PPP6R2: variants seen among roughly 807,000 people sequenced by gnomAD.
PPP6R2 encodes the protein serine/threonine-protein phosphatase 6 regulatory subunit 2.
A neutral mutation model predicts 100.2 loss-of-function variants in PPP6R2; 62 were observed. The observed-to-expected ratio is 0.62, with a 90% CI of 0.50 to 0.76. The LOEUF (loss-of-function observed/expected upper bound fraction) is 0.76. Ranked by LOEUF, PPP6R2 falls within the 30% of genes least tolerant of loss-of-function variation. The pLI is 0.00. For synonymous variants in PPP6R2, 525 were observed against 514.7 expected (o/e 1.02, Z -0.27); for missense variants, 1,142 against 1,276.3 (o/e 0.89, Z 1.60).
chr22:50,440,689 C>T (rs1297400934), intron 21 of PPP6R2, 133 bp from the exon 22 acceptor site: 6 of 1,036,996 alleles, frequency 5.8e-6, no homozygotes, highest in Admixed American at 2.0e-5. Flanking sequence ...CATGCGGCTC[C>T]CACACAGGCA....
chr22:50,359,537 G>T (rs1363358632), intron 1 of PPP6R2, among the ~76,000 whole-genome samples: 5 of 151,588 alleles, frequency 3.3e-5, no homozygotes, highest in Non-Finnish European at 7.4e-5. Flanking sequence ...TTTTTTTTAT[G>T]ATGAAAAAGG....
At chr22:50,332,877 C>T in the PPP6R2 span, among the ~76,000 whole-genome samples, 1 of 152,210 alleles carries the variant, frequency 6.6e-6, no homozygotes, top group Non-Finnish European at 1.5e-5. Flanking sequence ...CCGCCTCTGC[C>T]TCCCCATGGG....
chr22:50,431,357 T>A lies in PPP6R2; in HGVS notation c.1310T>A (p.Leu437His). The change falls in exon 11 of 24, where the codon CTC (leucine) becomes CAC (histidine). Residue 437 changes from leucine (L) to histidine (H), a missense_variant. Leu to His is a moderately conservative substitution (Grantham distance 99). Transcript: ENST00000612753. This position sits in a 1 kb window ranked among gnomAD's most constrained non-coding sequence, Gnocchi z 4.8. ...SLETPQPAAS[L>H]PDNTMVTHLF... ...GAGACTCCCCAGCCGGCCGCCAGCCTCCCTGACAACACAATGGTGACCCAC... is the reference window on the plus strand; with the variant it reads ...GAGACTCCCCAGCCGGCCGCCAGCCACCCTGACAACACAATGGTGACCCAC... The A allele has an allele frequency of 6.2e-7, 1 of 1,612,750 alleles. No individual in the cohort carries two copies. The highest frequency in any genetic ancestry group is 8.5e-7 in the Non-Finnish European group (1 of 1,179,924).
chr22:50,416,709 T>G (rs1490842605), intron 6 of PPP6R2, among the ~76,000 whole-genome samples: 1 of 151,822 alleles, frequency 6.6e-6, no homozygotes, highest in Non-Finnish European at 1.5e-5. Flanking sequence ...ATGCCTGTAA[T>G]CCCAGCACTT....
At chr22:50,378,456 C>T (rs1293467968) in intron 2 of PPP6R2, among the ~76,000 whole-genome samples, 1 of 151,822 alleles carries the variant, frequency 6.6e-6, no homozygotes, top group Non-Finnish European at 1.5e-5. Flanking sequence ...CGTGGTGGTG[C>T]ATGCCTGTAA....
chr22:50,349,564 G>A (rs1207122088), intron 1 of PPP6R2, among the ~76,000 whole-genome samples: 2 of 152,064 alleles, frequency 1.3e-5, no homozygotes, highest in African/African-American at 4.8e-5. Flanking sequence ...AGTGGCTCAT[G>A]CCTGTAATCC....
In PPP6R2 at chr22:50,423,712, A is replaced by G; in HGVS notation, c.1125+98A>G. 6.8e-7 allele frequency: 1 copy of G among 1,462,408 alleles called. No homozygotes were observed. Among genetic ancestry groups the G allele is most frequent in the Non-Finnish European group, 9.3e-7 (1 of 1,071,134 alleles). The allele number at this position is 1,462,408 out of a possible 1,614,324, so 90.6% of individuals were successfully genotyped here. A position where few individuals can be genotyped will look rare whatever the true frequency, so the allele number is the denominator to read the frequency against. ...AGCAGAGCAGGGCCCCAGCATTTGG[A>G]CAAAGCTCTGCCACGGGGAGGTTCC... On this transcript the variant is annotated intron_variant, in intron 10 of 23. Coordinates refer to ENST00000612753, the MANE Select transcript of PPP6R2 (RefSeq NM_001242898.2). This position sits in a 1 kb window ranked among gnomAD's most constrained non-coding sequence, Gnocchi z 4.8.
chr22:50,362,098 G>C (rs2047907115), intron 1 of PPP6R2, among the ~76,000 whole-genome samples: 1 of 152,204 alleles, frequency 6.6e-6, no homozygotes, highest in Admixed American at 6.5e-5. Flanking sequence ...AGGTTCTCTG[G>C]CTGCCTGGAG....
chr22:50,383,851 A>G (rs1306296181), intron 2 of PPP6R2, among the ~76,000 whole-genome samples: 2 of 152,100 alleles, frequency 1.3e-5, no homozygotes, highest in African/African-American at 4.8e-5. Flanking sequence ...AGCCTGGCCA[A>G]CATGGTGAAA....
chr22:50,443,804 A>T, intron 22 of PPP6R2, 62 bp from the exon 23 acceptor site: 2 of 1,506,366 alleles, frequency 1.3e-6, no homozygotes, highest in South Asian at 2.5e-5. Context: ...GTCCTTGGGC[A>T]TGAGGCGGGG....
chr22:50,440,430 A>G (rs1213353850), intron 21 of PPP6R2, among the ~76,000 whole-genome samples: 2 of 152,056 alleles, frequency 1.3e-5, no homozygotes, highest in Admixed American at 6.6e-5. Flanking sequence ...AGTCAGGCTC[A>G]GAAGCTCCCC....
the PPP6R2 span, among the ~76,000 whole-genome samples, chr22:50,333,259 T>G: frequency 2.0e-5 from 3 of 152,216 alleles, no homozygotes; most frequent in African/African-American, 7.2e-5. Flanking sequence ...CTTATACTAA[T>G]TCTGTCCTGT....
intron 2 of PPP6R2, among the ~76,000 whole-genome samples, chr22:50,380,907 T>G (rs558828792): frequency 1.1e-4 from 16 of 148,540 alleles, no homozygotes; most frequent in African/African-American, 3.5e-4. Context: ...GAGAATGGCC[T>G]GAACCCAGGA....
intron 1 of PPP6R2, among the ~76,000 whole-genome samples, chr22:50,369,008 G>A (rs769197498): frequency 6.6e-6 from 1 of 152,170 alleles, no homozygotes; most frequent in Non-Finnish European, 1.5e-5. Flanking sequence ...GGAGGCCGAG[G>A]TGGGCGGATC....
intron 2 of PPP6R2, among the ~76,000 whole-genome samples, chr22:50,391,571 G>C (rs1162145895): frequency 1.3e-5 from 2 of 151,914 alleles, no homozygotes; most frequent in Non-Finnish European, 2.9e-5. Flanking sequence ...CTGCACTCCA[G>C]CCTGGACAAC....
At chr22:50,375,864 G>T in intron 2 of PPP6R2, among the ~76,000 whole-genome samples, 1 of 40,216 alleles carries the variant, frequency 2.5e-5, no homozygotes. Flanking sequence ...TTTTTGAGAT[G>T]GAGTCTTGCT....
At chr22:50,394,913 CAAAA>C (rs57028687) in intron 3 of PPP6R2, among the ~76,000 whole-genome samples, 7 of 76,424 alleles carry the variant, frequency 9.2e-5, no homozygotes, top group Admixed American at 3.4e-4. Flanking sequence ...GACTCTGTCT[CAAAA>C]AAAAAAAAAA....
intron 11 of PPP6R2, 45 bp from the exon 12 acceptor site, chr22:50,432,220 G>A (rs769683329): frequency 2.6e-5 from 40 of 1,516,172 alleles, no homozygotes; most frequent in African/African-American, 4.2e-5. Context: ...GGTGCGTGCC[G>A]CCTTCAGACC....
At chr22:50,356,515 C>G (rs1029224115) in intron 1 of PPP6R2, among the ~76,000 whole-genome samples, 38 of 151,960 alleles carry the variant, frequency 2.5e-4, no homozygotes, top group African/African-American at 8.9e-4. Flanking sequence ...CCACGTTGGC[C>G]AGGCTGGTGA....
Sources: allele counts gnomAD v4.1 joint callset (sites outside exome capture counted in the v4.1 genomes callset), GRCh38; gene constraint gnomAD v4.1.1; non-coding constraint Gnocchi (gnomAD v3.1); transcripts MANE v1.5; gene names NCBI Gene and HGNC (gene_info 2026-07-23, HGNC 2026-07-21).